The following PACSIN2 variants were observed in gnomAD, a reference collection of about 807,000 sequenced individuals.
The protein encoded by PACSIN2 is protein kinase C and casein kinase substrate in neurons 2, also known as protein kinase C and casein kinase substrate in neurons protein 2.
Under a neutral mutation model 63.8 loss-of-function variants are expected in PACSIN2, and 25 were observed. The ratio of observed to expected loss-of-function variants is 0.39; its 90% CI spans 0.29 to 0.55. The LOEUF is 0.55. Ranked by LOEUF, PACSIN2 falls within the 20% of genes least tolerant of loss-of-function variation. PACSIN2 has a pLI of 0.62. For missense variants in PACSIN2, 518 were observed against 646.9 expected, an observed-to-expected ratio of 0.80 and a Z score of 2.16; for synonymous variants, 255 against 256.2, an observed-to-expected ratio of 1.00 and a Z score of 0.05.
intron 1 of PACSIN2, among the ~76,000 whole-genome samples, chr22:42,924,637 C>T (rs1331647448): frequency 1.3e-5 from 2 of 152,194 alleles, no homozygotes; most frequent in African/African-American, 4.8e-5. Context: ...CCAAGCTCCA[C>T]TTGGCTCCTC....
chr22:43,004,337 GA>G (rs1353957601), intron 1 of PACSIN2, among the ~76,000 whole-genome samples: 2 of 152,244 alleles, frequency 1.3e-5, no homozygotes, highest in Admixed American at 1.3e-4. Context: ...GGCCTGTGCA[GA>G]CAGCCCCTCA....
At chr22:42,939,731 T>A (rs1213788520) in intron 1 of PACSIN2, among the ~76,000 whole-genome samples, 1 of 152,228 alleles carries the variant, frequency 6.6e-6, no homozygotes, top group Non-Finnish European at 1.5e-5. Flanking sequence ...ATGCAGTCAC[T>A]TCCTGCCAGC....
At position 43,009,603 on chromosome 22, in the gene PACSIN2, T is replaced by C. The variant is rs561025509; in HGVS notation, c.-78+5418A>G. ...ACTGAGACCTGGAGTTCTGTGCTGA[T>C]TGTCCCAGACCTCAGGGTTGGTCAG... On this transcript the variant is annotated intron_variant, in intron 1 of 10. Transcript: ENST00000263246. Among the ~76,000 whole-genome samples the C allele has an allele frequency of 1.6e-3, 249 of 152,302 alleles. 2 individuals are homozygous for C. Among genetic ancestry groups the C allele is most frequent in the African/African-American group, 5.8e-3 (240 of 41,562 alleles).
At chr22:42,967,971 C>A (rs1352148637) in intron 1 of PACSIN2, among the ~76,000 whole-genome samples, 2 of 152,172 alleles carry the variant, frequency 1.3e-5, no homozygotes, top group Admixed American at 6.5e-5. Context: ...ATACACGCTC[C>A]TCAGATCTTT....
chr22:42,979,185 T>C (rs904246740), intron 1 of PACSIN2, among the ~76,000 whole-genome samples: 1 of 152,188 alleles, frequency 6.6e-6, no homozygotes, highest in African/African-American at 2.4e-5. Flanking sequence ...CAAGGCCCAA[T>C]GATGGTTCAT....
At chr22:42,939,763 G>A (rs1300629135) in intron 1 of PACSIN2, among the ~76,000 whole-genome samples, 3 of 152,142 alleles carry the variant, frequency 2.0e-5, no homozygotes, top group Non-Finnish European at 2.9e-5. Context: ...CCTACAAGAG[G>A]GAGAGACACT....
At chr22:42,874,465 A>G (rs1928426465) in intron 10 of PACSIN2, among the ~76,000 whole-genome samples, 1 of 152,206 alleles carries the variant, frequency 6.6e-6, no homozygotes, top group South Asian at 2.1e-4. Flanking sequence ...CTAGCAACAC[A>G]GATATGTGTG....
rs8569 is a variant in PACSIN2, at chr22:42,870,768, C to T, written c.*589G>A. The T allele has an allele frequency of 0.36, 54,206 of 152,170 alleles. 10,835 individuals carry two copies. Among genetic ancestry groups the T allele is most frequent in the Non-Finnish European group, 0.45 (30,913 of 68,044 alleles). 9.4% of individuals were successfully genotyped at this position (152,170 alleles called of 1,614,324 possible). A position where few individuals can be genotyped will look rare whatever the true frequency, so the allele number is the denominator to read the frequency against. ...CCCACCTTCCTGGCATAATTCCTTT[C>T]CTCAAACATCTGCCACCTGAGGCTA... On this transcript the variant is annotated 3_prime_UTR_variant, in exon 11 of 11. Transcript: ENST00000263246.
intron 5 of PACSIN2, among the ~76,000 whole-genome samples, chr22:42,887,660 G>A (rs1929593383): frequency 1.3e-5 from 2 of 151,894 alleles, no homozygotes; most frequent in Admixed American, 1.3e-4. Context: ...GGGGAGGTGG[G>A]GCCGAGGGCT....
intron 2 of PACSIN2, among the ~76,000 whole-genome samples, chr22:42,899,523 C>A (rs761775263): frequency 1.2e-4 from 18 of 152,138 alleles, no homozygotes; most frequent in Admixed American, 4.6e-4. Flanking sequence ...GGACTGGCAA[C>A]CACCAGAGAG....
At chr22:42,959,036 A>C (rs1934028766) in intron 1 of PACSIN2, among the ~76,000 whole-genome samples, 1 of 152,206 alleles carries the variant, frequency 6.6e-6, no homozygotes, top group African/African-American at 2.4e-5. Context: ...GTTACCCGAC[A>C]AAAATATAAA....
At chr22:43,001,495 A>C (rs888993148) in intron 1 of PACSIN2, among the ~76,000 whole-genome samples, 19 of 152,362 alleles carry the variant, frequency 1.2e-4, no homozygotes, top group South Asian at 1.2e-3. Context: ...CTGACAGAAG[A>C]AGCAGGACTG....
chr22:42,986,838 TA>T (rs572524709), intron 1 of PACSIN2, among the ~76,000 whole-genome samples: 1 of 152,156 alleles, frequency 6.6e-6, no homozygotes, highest in Non-Finnish European at 1.5e-5. Flanking sequence ...CTACCCATTC[TA>T]AAAAAACCTT....
intron 2 of PACSIN2, among the ~76,000 whole-genome samples, chr22:42,894,236 A>G (rs2038824678): frequency 7.0e-6 from 1 of 142,316 alleles, no homozygotes; most frequent in South Asian, 2.3e-4. Context: ...GCTAGGCTGG[A>G]GCTGAAGGCA....
intron 1 of PACSIN2, among the ~76,000 whole-genome samples, chr22:42,949,685 C>A (rs1933593639): frequency 6.7e-6 from 1 of 149,676 alleles, no homozygotes; most frequent in Non-Finnish European, 1.5e-5. Flanking sequence ...CATACACTCA[C>A]ACACACACAC....
At chr22:42,876,435 C>A in intron 9 of PACSIN2, 102 bp from the exon 10 acceptor site, 3 of 927,516 alleles carry the variant, frequency 3.2e-6, no homozygotes, top group Non-Finnish European at 5.0e-6. Context: ...GGGCTCAGGG[C>A]TGAGGGCTCC....
intron 1 of PACSIN2, among the ~76,000 whole-genome samples, chr22:42,949,572 C>A (rs1053580296): frequency 1.3e-5 from 2 of 151,866 alleles, no homozygotes; most frequent in East Asian, 3.9e-4. Context: ...GATAAAATGC[C>A]GAATTACAAT....
chr22:42,968,628 G>C (rs11913527), intron 1 of PACSIN2, among the ~76,000 whole-genome samples: 91,542 of 151,974 alleles, frequency 0.6, 28,121 homozygotes, highest in East Asian at 0.78. Flanking sequence ...GTTTCCAGAA[G>C]AGACTAGCAC....
intron 2 of PACSIN2, among the ~76,000 whole-genome samples, chr22:42,901,229 G>A (rs1241133456): frequency 6.6e-6 from 1 of 152,120 alleles, no homozygotes; most frequent in African/African-American, 2.4e-5. Flanking sequence ...AAGAGCTCCT[G>A]GCGTACCCCT....
Sources: gnomAD v4.1 joint callset for allele counts (sites outside exome capture counted in the v4.1 genomes callset) on GRCh38, gnomAD v4.1.1 for gene constraint, MANE v1.5 for transcripts, NCBI Gene and HGNC (gene_info 2026-07-23, HGNC 2026-07-21) for gene names.